PKIB: variants seen among roughly 807,000 people sequenced by gnomAD.
PKIB encodes the protein PKI-beta.
Under a neutral mutation model 4.5 loss-of-function variants are expected in PKIB, and 2 were observed. That is an observed-to-expected ratio of 0.44 (90% CI 0.18 to 1.39). The LOEUF is 1.39. PKIB is among the 40% of genes most tolerant of loss of function. The pLI is 0.27. For missense variants in PKIB, 94 were observed against 92.6 expected (o/e 1.02, Z -0.06); for synonymous variants, 38 against 36.0 (o/e 1.06, Z -0.20).
chr6:122,694,408 T>C (rs915578126), intron 3 of PKIB, among the ~76,000 whole-genome samples: 3 of 152,234 alleles, frequency 2.0e-5, no homozygotes, highest in African/African-American at 4.8e-5. Flanking sequence ...ATAGGTGTTT[T>C]ATTCAAACTT....
At chr6:122,490,667 GCTTC>G (rs1280632249) in intron 2 of PKIB, among the ~76,000 whole-genome samples, 18 of 152,228 alleles carry the variant, frequency 1.2e-4, no homozygotes, top group African/African-American at 4.3e-4. Context: ...ATGAGTGTAA[GCTTC>G]CTGAGTGCCT....
intron 2 of PKIB, among the ~76,000 whole-genome samples, chr6:122,560,826 C>T (rs1372492063): frequency 6.6e-6 from 1 of 151,912 alleles, no homozygotes; most frequent in African/African-American, 2.4e-5. Flanking sequence ...AGTTTATGTT[C>T]ATAAAGGTGT....
rs114824916 is a variant in PKIB, at chr6:122,670,114, G to A, written c.-75-4964G>A. Among the ~76,000 whole-genome samples, 679 of 151,976 alleles carry A rather than the reference G, an allele frequency of 4.5e-3. 9 individuals are homozygous for A. The highest frequency in any genetic ancestry group is 0.015 in the African/African-American group (641 of 41,432). ...AGCAACAGATGCAGTCCAGTTTTCA[G>A]AAAGGGCAAAAGAGGAATGAGAGAC... On this transcript the variant is annotated intron_variant, in intron 2 of 4. Transcript: ENST00000368452.
At chr6:122,607,313 AAAAACAAAAC>A (rs559171249), upstream of PKIB, among the ~76,000 whole-genome samples, 224 of 152,048 alleles carry the variant, frequency 1.5e-3, 1 homozygote, top group African/African-American at 4.9e-3. Context: ...GTCTCTACAA[AAAAACAAAAC>A]AAAACAAAAC....
chr6:122,696,136 T>G (rs1778560698), intron 3 of PKIB, among the ~76,000 whole-genome samples: 1 of 152,204 alleles, frequency 6.6e-6, no homozygotes, highest in South Asian at 2.1e-4. Context: ...TTTTAAAATC[T>G]AAACAAAGAG....
chr6:122,485,694 C>G (rs1775747115), intron 2 of PKIB, among the ~76,000 whole-genome samples: 1 of 152,100 alleles, frequency 6.6e-6, no homozygotes, highest in African/African-American at 2.4e-5. Flanking sequence ...AGTTTAATAG[C>G]AGAGCCATCA....
chr6:122,493,177 G>C (rs1158062902), intron 2 of PKIB: 1 of 152,170 alleles, frequency 6.6e-6, no homozygotes, highest in Admixed American at 6.5e-5. Context: ...TGTCCCCCCT[G>C]CAAATCTACA....
At chr6:122,603,993 G>A (rs1461990512) in intron 3 of PKIB, among the ~76,000 whole-genome samples, 1 of 152,004 alleles carries the variant, frequency 6.6e-6, no homozygotes, top group Non-Finnish European at 1.5e-5. Context: ...CAAATAAAAA[G>A]GTGCACATTA....
chr6:122,562,398 C>T (rs549989554), intron 2 of PKIB, among the ~76,000 whole-genome samples: 15 of 152,040 alleles, frequency 9.9e-5, no homozygotes, highest in Admixed American at 2.0e-4. Flanking sequence ...TTTTTTCCTT[C>T]GTCTTAACTT....
At chr6:122,531,885 G>A (rs1338606385) in intron 2 of PKIB, among the ~76,000 whole-genome samples, 1 of 152,218 alleles carries the variant, frequency 6.6e-6, no homozygotes, top group South Asian at 2.1e-4. Flanking sequence ...TTGAATGAAT[G>A]TAGGCAAAAA....
At chr6:122,711,314 G>A (rs1425361322) in intron 3 of PKIB, among the ~76,000 whole-genome samples, 1 of 152,130 alleles carries the variant, frequency 6.6e-6, no homozygotes, top group Non-Finnish European at 1.5e-5. Context: ...GAAAGCAGCA[G>A]GAGGAATCAT....
At position 122,677,842 on chromosome 6, in the gene PKIB, T is replaced by TCTTC. The variant is rs66707245; in HGVS notation, c.-9+2746_-9+2749dup. The stretch of plus-strand genomic sequence containing the variant: ...GCAACTTGTGAAACCAGCTTTCTTT[T>TCTTC]CTTCCTTCCTTCCTTCCTTCCTTCC... On this transcript the variant is annotated intron_variant, in intron 3 of 4. Coordinates refer to ENST00000368452, the MANE Select transcript of PKIB (RefSeq NM_181795.3). 2.4e-3 allele frequency among the ~76,000 whole-genome samples: 333 copies of TCTTC among 141,190 alleles called. 1 individual carries two copies. Among genetic ancestry groups the TCTTC allele is most frequent in the African/African-American group, 8.0e-3 (303 of 37,878 alleles). 92.6% of individuals were successfully genotyped at this position (141,190 alleles called of 152,430 possible). A position where few individuals can be genotyped will look rare whatever the true frequency, so the allele number is the denominator to read the frequency against.
At chr6:122,710,863 G>T (rs1368566841) in intron 3 of PKIB, among the ~76,000 whole-genome samples, 1 of 152,072 alleles carries the variant, frequency 6.6e-6, no homozygotes, top group Non-Finnish European at 1.5e-5. Flanking sequence ...AACAATATTT[G>T]AGTCACTGGT....
intron 2 of PKIB, among the ~76,000 whole-genome samples, chr6:122,636,379 G>A (rs2566827): frequency 0.38 from 57,421 of 151,790 alleles, 11,906 homozygotes; most frequent in South Asian, 0.64. Flanking sequence ...AAAGATAAAT[G>A]TGTAAAAATC....
intron 2 of PKIB, among the ~76,000 whole-genome samples, chr6:122,501,995 C>T (rs1776253708): frequency 6.8e-6 from 1 of 148,076 alleles, no homozygotes; most frequent in Non-Finnish European, 1.5e-5. Flanking sequence ...TCTTGTTTCC[C>T]AGGCTGGAGT....
At chr6:122,562,583 G>A (rs973202512) in intron 2 of PKIB, among the ~76,000 whole-genome samples, 9 of 152,160 alleles carry the variant, frequency 5.9e-5, no homozygotes, top group Admixed American at 2.0e-4. Flanking sequence ...TCTTCCACAG[G>A]AATGCCAATT....
At chr6:122,645,209 C>G (rs766413915) in intron 2 of PKIB, among the ~76,000 whole-genome samples, 2 of 152,208 alleles carry the variant, frequency 1.3e-5, no homozygotes, top group Non-Finnish European at 2.9e-5. Context: ...AATCCACAAT[C>G]TGTTTTAATT....
At chr6:122,543,203 A>C (rs946405734) in intron 2 of PKIB, among the ~76,000 whole-genome samples, 2 of 151,946 alleles carry the variant, frequency 1.3e-5, no homozygotes, top group Non-Finnish European at 2.9e-5. Context: ...TGGCTCATGC[A>C]TGGTGTGCTG....
intron 2 of PKIB, among the ~76,000 whole-genome samples, chr6:122,525,968 T>A (rs9388082): frequency 0.13 from 20,402 of 152,242 alleles, 1,504 homozygotes; most frequent in East Asian, 0.26. Flanking sequence ...TGCTACTGAT[T>A]TATCAACTAT....
Sources: gnomAD v4.1 joint callset for allele counts (sites outside exome capture counted in the v4.1 genomes callset) on GRCh38, gnomAD v4.1.1 for gene constraint, MANE v1.5 for transcripts, NCBI Gene and HGNC (gene_info 2026-07-23, HGNC 2026-07-21) for gene names.